TBC1D24: variants seen among roughly 807,000 people sequenced by gnomAD.
TBC1D24 encodes the protein TBC1 domain family member 24, also known as Infantile myoclonic epilepsy.
Under a neutral mutation model 50.7 loss-of-function variants are expected in TBC1D24, and 47 were observed. The ratio of observed to expected loss-of-function variants is 0.93; its 90% CI spans 0.73 to 1.18. TBC1D24 has a LOEUF of 1.18. Ranked by LOEUF, TBC1D24 falls within the 50% of genes most tolerant of loss-of-function variation. TBC1D24 has a pLI of 0.00. For synonymous variants in TBC1D24, 324 were observed against 335.2 expected, an observed-to-expected ratio of 0.97 and a Z score of 0.36; for missense variants, 688 against 766.5, an observed-to-expected ratio of 0.90 and a Z score of 1.21.
intron 1 of TBC1D24, chr16:2,477,100 T>C (rs2141849955): frequency 6.6e-6 from 1 of 152,378 alleles, no homozygotes; most frequent in Middle Eastern, 3.4e-3. Flanking sequence ...ATACCTTTTC[T>C]GTTATGACAA....
At chr16:2,492,484 T>C (rs371721816) in intron 1 of TBC1D24, among the ~76,000 whole-genome samples, 7 of 152,290 alleles carry the variant, frequency 4.6e-5, no homozygotes, top group African/African-American at 9.6e-5. Context: ...TTTAGAAACA[T>C]GTTTATTGCC....
chr16:2,476,408 A>G (rs1015592050), intron 1 of TBC1D24: 2 of 152,176 alleles, frequency 1.3e-5, no homozygotes, highest in African/African-American at 2.4e-5. Flanking sequence ...ACACACTGGG[A>G]AAAAAAACCA....
rs777694131 is a variant in TBC1D24, at chr16:2,498,370, C to T, written c.1116C>T (p.Ser372=). Residue 372 remains serine (S), a synonymous_variant, in exon 4 of 8, where the codon TCC becomes TCT. Coordinates refer to ENST00000646147, the MANE Select transcript of TBC1D24 (RefSeq NM_001199107.2). Reference sequence around the variant, plus strand: ...GCCAGCCCCTTCTGCTGTTCTCCTCCCTGCAGCACGGGTACAGCCTGGCCA... The same window carrying T: ...GCCAGCCCCTTCTGCTGTTCTCCTCTCTGCAGCACGGGTACAGCCTGGCCA... ...ALCQPLLLFS[S]LQHGYSLARF... 9 of 1,608,576 alleles carry T rather than the reference C, an allele frequency of 5.6e-6. No individual in the cohort carries two copies. The Admixed American group carries it at 6.7e-5, about 12-fold the overall frequency.
Position 2,500,241 on chromosome 16 carries a change from G to A in TBC1D24, c.1303-27G>A. ...GAGGGGCCTGCGAACGCCCGCGCCA[G>A]CTCCTCACACTCCCCTTCCACCCCA... On this transcript the variant is annotated intron_variant, in intron 6 of 7. Coordinates refer to ENST00000646147, the MANE Select transcript of TBC1D24 (RefSeq NM_001199107.2). The surrounding 1 kb of genome is among the most constrained non-coding windows in gnomAD (Gnocchi z 8.0). 6.4e-7 allele frequency: 1 copy of A among 1,568,284 alleles called. No individual in the cohort carries two copies. The highest frequency in any genetic ancestry group is 8.7e-7 in the Non-Finnish European group (1 of 1,153,326).
rs1436240415 is a variant in TBC1D24 at position 2,499,344 on chromosome 16, G to A, written c.1143-13G>A. On this transcript the variant is annotated splice_polypyrimidine_tract_variant and intron_variant, in intron 4 of 7. Coordinates refer to ENST00000646147, the MANE Select transcript of TBC1D24 (RefSeq NM_001199107.2). The surrounding 1 kb of genome is among the most constrained non-coding windows in gnomAD (Gnocchi z 4.0). ...GTGCAGGGTGACAGCTGGCATGCGTGTCTCTACGCCAGGTTCTACTTCCAG... is the reference window on the plus strand; with the variant it reads ...GTGCAGGGTGACAGCTGGCATGCGTATCTCTACGCCAGGTTCTACTTCCAG... The A allele has an allele frequency of 6.2e-7, 1 of 1,611,284 alleles. No homozygotes were observed. Among genetic ancestry groups the A allele is most frequent in the East Asian group, 2.2e-5 (1 of 44,816 alleles).
rs907583521 is a variant in TBC1D24, at chr16:2,495,918, A to C, written c.-115-116A>C. On this transcript the variant is annotated intron_variant, in intron 1 of 7. Coordinates refer to ENST00000646147, the MANE Select transcript of TBC1D24 (RefSeq NM_001199107.2). The stretch of plus-strand genomic sequence containing the variant: ...ACTGCACCGCACTCCAACCTGGGCA[A>C]CAGAGCGAGACCCTGTCTCAAAAGA... 4.5e-5 allele frequency: 24 copies of C among 537,188 alleles called. No individual in the cohort carries two copies. In the East Asian group the frequency reaches 8.5e-4, roughly 19 times the overall value. 33.3% of individuals were successfully genotyped at this position (537,188 alleles called of 1,614,324 possible). A position where few individuals can be genotyped will look rare whatever the true frequency, so the allele number is the denominator to read the frequency against.
intron 1 of TBC1D24, among the ~76,000 whole-genome samples, chr16:2,476,109 A>C: frequency 6.6e-6 from 1 of 152,090 alleles, no homozygotes; most frequent in East Asian, 1.9e-4. Context: ...CTAGCGGGTG[A>C]TTTTTCCCTG....
chr16:2,504,414 C>CTTTTTTTTTTTTTTTTTTTTTT lies in TBC1D24; in HGVS notation c.*3457_*3478dup, dbSNP rs901354911. The CTTTTTTTTTTTTTTTTTTTTTT allele has an allele frequency of 1.6e-5, 2 of 125,686 alleles. No homozygotes were observed. The highest frequency in any genetic ancestry group is 3.3e-5 in the African/African-American group (1 of 29,950). The allele number at this position is 125,686 out of a possible 1,614,324, so 7.8% of individuals were successfully genotyped here. On this transcript the variant is annotated 3_prime_UTR_variant, in exon 8 of 8. Transcript: ENST00000646147. ...AACCACAGGCCTATTGAGATTGTCC[C>CTTTTTTTTTTTTTTTTTTTTTT]TTTTTTTTTTTTTTTTTTTTTTGAG...
chr16:2,490,848 A>G (rs1356665055), intron 1 of TBC1D24, among the ~76,000 whole-genome samples: 1 of 152,144 alleles, frequency 6.6e-6, no homozygotes, highest in African/African-American at 2.4e-5. Flanking sequence ...CTCCCCGGCC[A>G]CCGCCTCCGG....
At chr16:2,492,952 C>T (rs1284782360) in intron 1 of TBC1D24, among the ~76,000 whole-genome samples, 5 of 151,558 alleles carry the variant, frequency 3.3e-5, no homozygotes, top group East Asian at 4.0e-4. Flanking sequence ...ATTAGCCGGG[C>T]GTGGTGGCAC....
In TBC1D24 at chr16:2,496,016, G is replaced by GT. The variant is rs1486254332; in HGVS notation, c.-115-11dup. ...ACCTTGAAACACAGATGCTAAAAGT[G>GT]TTTTTTTAATCCTGCAGGGTGTGAG... On this transcript the variant is annotated splice_polypyrimidine_tract_variant and intron_variant, in intron 1 of 7. Coordinates refer to ENST00000646147, the MANE Select transcript of TBC1D24 (RefSeq NM_001199107.2). The GT allele has an allele frequency of 2.6e-6, 3 of 1,149,786 alleles. No homozygotes were observed. Among genetic ancestry groups the GT allele is most frequent in the Non-Finnish European group, 3.8e-6 (3 of 798,918 alleles). The allele number at this position is 1,149,786 out of a possible 1,614,324, so 71.2% of individuals were successfully genotyped here.
intron 1 of TBC1D24, chr16:2,477,256 A>G (rs1010235789): frequency 9.9e-5 from 15 of 152,248 alleles, no homozygotes; most frequent in African/African-American, 2.9e-4. Flanking sequence ...TCATTATTCA[A>G]TGATTTTCTG....
In TBC1D24 at chr16:2,485,186, G is replaced by A. The variant is rs2065639821; in HGVS notation, c.-116+10016G>A. 6.6e-6 allele frequency: 1 copy of A among 152,204 alleles called. No individual in the cohort carries two copies. The highest frequency in any genetic ancestry group is 1.5e-5 in the Non-Finnish European group (1 of 68,072). 9.4% of individuals were successfully genotyped at this position (152,204 alleles called of 1,614,324 possible). A position where few individuals can be genotyped will look rare whatever the true frequency, so the allele number is the denominator to read the frequency against. On this transcript the variant is annotated intron_variant, in intron 1 of 7. Coordinates refer to ENST00000646147, the MANE Select transcript of TBC1D24 (RefSeq NM_001199107.2). This position sits in a 1 kb window ranked among gnomAD's most constrained non-coding sequence, Gnocchi z 4.6. ...TCCGTGGTGCTCTTTCTGTGCGCTG[G>A]TGTTGACTGATAGCTTCCGGGTGGC...
chr16:2,496,378 T>C lies in TBC1D24; in HGVS notation c.230T>C (p.Ile77Thr). ...CCTGACGCCAGCGTGTACAGCGACA[T>C]CGTGGGCAAGATCGTGGGCAAGCAC... Reference protein sequence around the residue: ...VTPDASVYSDIVGKIVGKHSS... With the variant: ...VTPDASVYSDTVGKIVGKHSS... The change falls in exon 2 of 8, where the codon ATC becomes ACC. Residue 77 changes from isoleucine to threonine, a missense_variant. Coordinates refer to ENST00000646147, the MANE Select transcript of TBC1D24 (RefSeq NM_001199107.2). The C allele has an allele frequency of 1.2e-6, 2 of 1,613,250 alleles. No individual in the cohort carries two copies. The highest frequency in any genetic ancestry group is 3.3e-5 in the Admixed American group (2 of 60,008).
chr16:2,491,890 G>T (rs1024621401), intron 1 of TBC1D24, among the ~76,000 whole-genome samples: 3 of 151,724 alleles, frequency 2.0e-5, no homozygotes, highest in Non-Finnish European at 4.4e-5. Flanking sequence ...TAGAGATGGG[G>T]TTTTGCCATG....
intron 3 of TBC1D24, 28 bp downstream of exon 3, chr16:2,497,755 T>C: frequency 6.5e-7 from 1 of 1,535,608 alleles, no homozygotes. Context: ...TCTGCACACC[T>C]GGCCTCTGTC....
chr16:2,497,594 C>A, intron 2 of TBC1D24, 116 bp from the exon 3 acceptor site: 2 of 1,043,342 alleles, frequency 1.9e-6, no homozygotes, highest in Non-Finnish European at 2.9e-6. Flanking sequence ...TGTTGGCGTG[C>A]AGCCCTCTTT....
chr16:2,479,678 G>A (rs2065595727), intron 1 of TBC1D24: 1 of 152,098 alleles, frequency 6.6e-6, no homozygotes, highest in Admixed American at 6.5e-5. Context: ...CTGAGCCTCT[G>A]GATAAGGCTT....
At position 2,486,888 on chromosome 16, in the gene TBC1D24, C is replaced by T. The variant is rs1002359930; in HGVS notation, c.-115-9146C>T. Among the ~76,000 whole-genome samples the T allele has an allele frequency of 1.3e-5, 2 of 152,210 alleles. No homozygotes were observed. Among genetic ancestry groups the T allele is most frequent in the Non-Finnish European group, 2.9e-5 (2 of 68,022 alleles). On this transcript the variant is annotated intron_variant, in intron 1 of 7. Coordinates refer to ENST00000646147, the MANE Select transcript of TBC1D24 (RefSeq NM_001199107.2). The surrounding 1 kb of genome is among the most constrained non-coding windows in gnomAD (Gnocchi z 5.8). ...CAGGCCACGGTCCTGTGGGATCCAACCCTGAGCCATCTCTGGGGGTCCCCT... is the reference window on the plus strand; with the variant it reads ...CAGGCCACGGTCCTGTGGGATCCAATCCTGAGCCATCTCTGGGGGTCCCCT...
Sources: gnomAD v4.1 joint callset for allele counts (sites outside exome capture counted in the v4.1 genomes callset) on GRCh38, gnomAD v4.1.1 for gene constraint, Gnocchi (gnomAD v3.1) non-coding constraint, MANE v1.5 for transcripts, NCBI Gene and HGNC (gene_info 2026-07-23, HGNC 2026-07-21) for gene names.